ODF2: variants seen among roughly 807,000 people sequenced by gnomAD.
ODF2 encodes outer dense fiber protein 2.
A neutral mutation model predicts 110.2 loss-of-function variants in ODF2; 47 were observed. The ratio of observed to expected loss-of-function variants is 0.43; its 90% CI spans 0.34 to 0.54. ODF2 has a LOEUF of 0.54. Ranked by LOEUF, ODF2 falls within the 20% of genes least tolerant of loss-of-function variation. The pLI is 0.03. For missense variants in ODF2, 812 were observed against 1,054.5 expected, an observed-to-expected ratio of 0.77 and a Z score of 3.19; for synonymous variants, 352 against 397.7, an observed-to-expected ratio of 0.89 and a Z score of 1.37.
chr9:128,482,113 T>G lies in ODF2; in HGVS notation c.915+462T>G, dbSNP rs554681205. On this transcript the variant is annotated intron_variant, in intron 9 of 20. Coordinates refer to ENST00000604420, the Ensembl canonical transcript of ODF2. ...ACCGAAGGGGAGGTTCCATAGCCAG[T>G]TAAATTTGGGAAACCATAGGCTGGC... is the stretch of plus-strand genomic sequence containing the variant. 6.6e-5 allele frequency among the ~76,000 whole-genome samples: 10 copies of G among 152,302 alleles called. No homozygotes were observed. In the East Asian group the frequency reaches 1.9e-3, roughly 29 times the overall value.
At chr9:128,491,484 C>G (rs918394974) in intron 14 of ODF2, among the ~76,000 whole-genome samples, 1 of 151,864 alleles carries the variant, frequency 6.6e-6, no homozygotes, top group East Asian at 2.0e-4. Flanking sequence ...ATGGTAAAAC[C>G]CCATCTCTAC....
intron 4 of ODF2, among the ~76,000 whole-genome samples, chr9:128,461,567 C>T (rs1011798100): frequency 6.6e-6 from 1 of 152,092 alleles, no homozygotes; most frequent in Non-Finnish European, 1.5e-5. Context: ...TACAGGCGCC[C>T]GCCACCACTT....
At chr9:128,499,856 C>T (rs1052965854) in intron 20 of ODF2, among the ~76,000 whole-genome samples, 5 of 152,138 alleles carry the variant, frequency 3.3e-5, no homozygotes, top group African/African-American at 9.7e-5. Flanking sequence ...GTGATCATTC[C>T]GTCCTGACCT....
At chr9:128,493,514 A>G (rs777687391) in intron 16 of ODF2, among the ~76,000 whole-genome samples, 6 of 152,224 alleles carry the variant, frequency 3.9e-5, no homozygotes, top group Non-Finnish European at 7.3e-5. Context: ...TGTACCAGCC[A>G]GAAAATATGT....
chr9:128,494,483 C>T lies in ODF2; in HGVS notation c.1753-27C>T. 6.2e-7 allele frequency: 1 copy of T among 1,602,806 alleles called. No individual in the cohort carries two copies. Among genetic ancestry groups the T allele is most frequent in the Non-Finnish European group, 8.5e-7 (1 of 1,171,080 alleles). ...CTTTCCTAACTGTGGGTCTTTCCTT[C>T]CTGTGGGTCTTTCCTTCCTGTTTCA... On this transcript the variant is annotated intron_variant, in intron 16 of 20. Transcript: ENST00000604420. The surrounding 1 kb of genome is among the most constrained non-coding windows in gnomAD (Gnocchi z 4.6).
At chr9:128,466,567 A>G (rs1362374787) in intron 4 of ODF2, among the ~76,000 whole-genome samples, 2 of 151,748 alleles carry the variant, frequency 1.3e-5, no homozygotes, top group Middle Eastern at 3.5e-3. Context: ...ACGATCACCC[A>G]GCATCCTAGA....
chr9:128,497,471 A>C (rs1845845827), intron 18 of ODF2: 1 of 112,750 alleles, frequency 8.9e-6, no homozygotes, highest in African/African-American at 3.5e-5. Context: ...ATATATATAT[A>C]TATATATATA....
chr9:128,475,101 C>T, intron 8 of ODF2, among the ~76,000 whole-genome samples: 1 of 3,728 alleles, frequency 2.7e-4, no homozygotes, highest in South Asian at 0.083. Flanking sequence ...TACTGAACAC[C>T]TATAGACTTT....
chr9:128,455,251 A>G, upstream of ODF2: 4 of 1,534,388 alleles, frequency 2.6e-6, no homozygotes, highest in Non-Finnish European at 3.5e-6. Context: ...AGCGGCATAG[A>G]GAGTGCAGGA....
At chr9:128,499,972 A>G (rs1004566229) in intron 20 of ODF2, 95 bp from the exon 21 acceptor site, 2 of 1,393,884 alleles carry the variant, frequency 1.4e-6, no homozygotes, top group Admixed American at 2.1e-5. Context: ...CGCCTCCCCA[A>G]ACCTCCTGGC....
intron 14 of ODF2, among the ~76,000 whole-genome samples, chr9:128,491,201 C>A (rs934276622): frequency 6.6e-6 from 1 of 151,848 alleles, no homozygotes; most frequent in East Asian, 2.0e-4. Context: ...CATGCCAGCA[C>A]GTCCGGCTGA....
At chr9:128,457,927 C>CTATA (rs374567802) in intron 2 of ODF2, among the ~76,000 whole-genome samples, 8,972 of 137,432 alleles carry the variant, frequency 0.065, 320 homozygotes, top group Non-Finnish European at 0.082. Flanking sequence ...CAGTAGAGGT[C>CTATA]TATATATATA....
At chr9:128,499,309 G>A (rs1017194528) in intron 20 of ODF2, among the ~76,000 whole-genome samples, 183 bp downstream of exon 20, 19 of 152,146 alleles carry the variant, frequency 1.2e-4, no homozygotes, top group South Asian at 6.2e-4. Flanking sequence ...ATTTAGAGAC[G>A]GAGTCTCCCT....
chr9:128,461,300 A>G (rs1836383658), intron 4 of ODF2: 1 of 526,806 alleles, frequency 1.9e-6, no homozygotes, highest in East Asian at 3.2e-5. Context: ...CCTCAGAGAG[A>G]AGTGATTTTC....
In ODF2 at chr9:128,485,733, T is replaced by C. The variant is rs548761156; in HGVS notation, c.1400+259T>C. ...GGCCGGGTCTTTCTGGTCAGAGGTG[T>C]GGGTCTGACTTCATCACCTGGGCCT... On this transcript the variant is annotated intron_variant, in intron 13 of 20. Transcript: ENST00000604420. This position sits in a 1 kb window ranked among gnomAD's most constrained non-coding sequence, Gnocchi z 5.0. Among the ~76,000 whole-genome samples the C allele has an allele frequency of 1.3e-5, 2 of 152,246 alleles. No individual in the cohort carries two copies. Among genetic ancestry groups the C allele is most frequent in the East Asian group, 3.9e-4 (2 of 5,180 alleles).
intron 6 of ODF2, 56 bp from the exon 7 acceptor site, chr9:128,472,857 A>G: frequency 6.2e-7 from 1 of 1,609,424 alleles, no homozygotes; most frequent in South Asian, 1.1e-5. Context: ...CAAGCCTTGG[A>G]TCTCTGGGCA....
In ODF2 at chr9:128,485,474, A is replaced by G. The variant is rs1282034750; in HGVS notation, c.1400A>G (p.Asp467Gly). 1.3e-6 allele frequency: 2 copies of G among 1,515,370 alleles called. No homozygotes were observed. Among genetic ancestry groups the G allele is most frequent in the Non-Finnish European group, 1.8e-6 (2 of 1,091,432 alleles). The allele number at this position is 1,515,370 out of a possible 1,614,324, so 93.9% of individuals were successfully genotyped here. ...GAGCTGGAAATTATTGTCCTGAATGAGTACGTCTTAGAGTAGGAGAGGGAA... is the reference window on the plus strand; with the variant it reads ...GAGCTGGAAATTATTGTCCTGAATGGGTACGTCTTAGAGTAGGAGAGGGAA... The change falls in exon 13 of 21, where the codon GAC becomes GGC. Residue 467 changes from aspartate (D) to glycine (G), a missense_variant and splice_region_variant. Around this residue, in one of 5 missense-constraint regions of ODF2, gnomAD observed 165 missense variants for 293.4 expected, o/e 0.56. Coordinates refer to ENST00000604420, the Ensembl canonical transcript of ODF2. The surrounding 1 kb of genome is among the most constrained non-coding windows in gnomAD (Gnocchi z 5.0).
Position 128,485,623 on chromosome 9 carries a change from C to CCTG in ODF2, c.1400+149_1400+150insCTG. On this transcript the variant is annotated intron_variant, in intron 13 of 20. Coordinates refer to ENST00000604420, the Ensembl canonical transcript of ODF2. This position sits in a 1 kb window ranked among gnomAD's most constrained non-coding sequence, Gnocchi z 5.0. The stretch of plus-strand genomic sequence containing the variant: ...GCACTGGGCTGTGATGTGGGTAGCC[C>CCTG]TGAGCTGGGCTTTCTGGTTGGAGCT... 1 of 585,456 alleles carries CCTG rather than the reference C, an allele frequency of 1.7e-6. No individual in the cohort carries two copies. Among genetic ancestry groups the CCTG allele is most frequent in the South Asian group, 2.1e-5 (1 of 47,826 alleles). The allele number at this position is 585,456 out of a possible 1,614,324, so 36.3% of individuals were successfully genotyped here. A position where few individuals can be genotyped will look rare whatever the true frequency, so the allele number is the denominator to read the frequency against.
At chr9:128,473,663 TCTC>T (rs1210172248) in exon 8 of ODF2, 53 of 1,613,412 alleles carry the variant, frequency 3.3e-5, no homozygotes, top group Non-Finnish European at 4.2e-5. Context: ...AGAAGGAACT[TCTC>T]CTGCAGAAGC....
Sources: gnomAD v4.1 joint callset for allele counts (sites outside exome capture counted in the v4.1 genomes callset) on GRCh38, gnomAD v4.1.1 for gene constraint, gnomAD v4.1.1 regional missense constraint, Gnocchi (gnomAD v3.1) non-coding constraint, MANE v1.5 for transcripts, NCBI Gene and HGNC (gene_info 2026-07-23, HGNC 2026-07-21) for gene names.